The following GRM7 variants were observed in gnomAD, a reference collection of about 807,000 sequenced individuals.
The protein encoded by GRM7 is glutamate metabotropic receptor 7.
GRM7 carries 35 observed loss-of-function variants against 84.5 expected under a neutral mutation model. The observed-to-expected ratio is 0.41, with a 90% CI of 0.32 to 0.55. The LOEUF (loss-of-function observed/expected upper bound fraction) is 0.55, where lower values mean the gene tolerates loss of function less well. Ranked by LOEUF, GRM7 falls within the 20% of genes least tolerant of loss-of-function variation. The pLI is 0.19. For synonymous variants in GRM7, 487 were observed against 455.1 expected (o/e 1.07, Z -0.89); for missense variants, 1,003 against 1,194.6 (o/e 0.84, Z 2.36).
At chr3:7,235,718 C>A (rs1697327585) in intron 2 of GRM7, among the ~76,000 whole-genome samples, 1 of 152,162 alleles carries the variant, frequency 6.6e-6, no homozygotes, top group Non-Finnish European at 1.5e-5. Context: ...GAGCTGCCTA[C>A]ATGGATAATA....
chr3:7,249,958 T>C (rs528600525), intron 2 of GRM7, among the ~76,000 whole-genome samples: 14 of 152,258 alleles, frequency 9.2e-5, no homozygotes, highest in African/African-American at 3.1e-4. Flanking sequence ...GGGAAGAGAA[T>C]ACACTTTCCT....
chr3:7,044,188 C>G (rs1467417101), intron 1 of GRM7, among the ~76,000 whole-genome samples: 1 of 152,162 alleles, frequency 6.6e-6, no homozygotes, highest in Non-Finnish European at 1.5e-5. Flanking sequence ...ATCTTCCAGA[C>G]TGGCATGGAT....
At chr3:7,091,956 T>C (rs1410728850) in intron 1 of GRM7, among the ~76,000 whole-genome samples, 2 of 151,712 alleles carry the variant, frequency 1.3e-5, no homozygotes, top group Non-Finnish European at 2.9e-5. Context: ...CTTAATTTTC[T>C]CATTTGAAAA....
chr3:7,433,217 G>T (rs1345515782), intron 5 of GRM7, among the ~76,000 whole-genome samples: 1 of 152,162 alleles, frequency 6.6e-6, no homozygotes, highest in East Asian at 1.9e-4. Flanking sequence ...CTTATCTTGA[G>T]AATCAAGAAG....
At chr3:7,604,398 T>C (rs1392069617) in intron 8 of GRM7, among the ~76,000 whole-genome samples, 3 of 152,172 alleles carry the variant, frequency 2.0e-5, no homozygotes, top group Admixed American at 1.3e-4. Context: ...TCATTTGCTA[T>C]TCAAAGGCCA....
intron 1 of GRM7, among the ~76,000 whole-genome samples, chr3:6,942,326 T>A (rs12486153): frequency 0.073 from 11,093 of 152,204 alleles, 562 homozygotes; most frequent in Non-Finnish European, 0.11. Flanking sequence ...AAACTGCATG[T>A]AATTAAAATG....
chr3:7,194,881 C>T (rs1165366626), intron 2 of GRM7, among the ~76,000 whole-genome samples: 7 of 152,074 alleles, frequency 4.6e-5, no homozygotes, highest in South Asian at 4.1e-4. Context: ...TACTGCTTTA[C>T]GAAATTGTCT....
At chr3:6,912,219 T>C (rs1696795056) in intron 1 of GRM7, among the ~76,000 whole-genome samples, 1 of 152,148 alleles carries the variant, frequency 6.6e-6, no homozygotes. Flanking sequence ...GTTTGGGAAA[T>C]GCTGCATTAG....
intron 2 of GRM7, among the ~76,000 whole-genome samples, chr3:7,187,307 A>G (rs1484730792): frequency 1.3e-5 from 2 of 152,070 alleles, no homozygotes; most frequent in Non-Finnish European, 2.9e-5. Flanking sequence ...AATATTCCCT[A>G]TTGCTTCCCA....
chr3:7,568,779 A>G (rs1694467665), intron 7 of GRM7, among the ~76,000 whole-genome samples: 1 of 152,084 alleles, frequency 6.6e-6, no homozygotes, highest in Non-Finnish European at 1.5e-5. Flanking sequence ...CCCCAACAGT[A>G]CCGGCCCACT....
chr3:7,109,174 G>T (rs1692758628), intron 1 of GRM7, among the ~76,000 whole-genome samples: 1 of 151,910 alleles, frequency 6.6e-6, no homozygotes, highest in African/African-American at 2.4e-5. Context: ...GTACAGTTTA[G>T]TTCATTTTTT....
At chr3:7,388,731 T>G (rs1439023296) in intron 4 of GRM7, among the ~76,000 whole-genome samples, 1 of 152,140 alleles carries the variant, frequency 6.6e-6, no homozygotes, top group East Asian at 1.9e-4. Flanking sequence ...ATAGAGATGT[T>G]CATAGTAGTC....
intron 1 of GRM7, among the ~76,000 whole-genome samples, chr3:6,976,714 A>T (rs1391065025): frequency 6.6e-6 from 1 of 152,062 alleles, no homozygotes; most frequent in Non-Finnish European, 1.5e-5. Flanking sequence ...TGATTATTTG[A>T]CCAGAATTTT....
intron 1 of GRM7, among the ~76,000 whole-genome samples, chr3:6,963,485 G>A (rs1345527138): frequency 6.6e-6 from 1 of 152,146 alleles, no homozygotes; most frequent in African/African-American, 2.4e-5. Flanking sequence ...AATAACCTGG[G>A]CATGGCGGTG....
At chr3:7,087,407 AC>A (rs1698498129) in intron 1 of GRM7, among the ~76,000 whole-genome samples, 17 of 133,570 alleles carry the variant, frequency 1.3e-4, no homozygotes, top group African/African-American at 4.6e-4. Context: ...TTTTTTTTTT[AC>A]CCCAACCGAA....
intron 8 of GRM7, among the ~76,000 whole-genome samples, chr3:7,659,910 T>C (rs754813711): frequency 7.9e-5 from 12 of 152,176 alleles, no homozygotes; most frequent in Non-Finnish European, 1.8e-4. Flanking sequence ...AGGCAAACAT[T>C]TCCTAGTGGC....
chr3:7,258,036 G>A (rs1291268822), intron 2 of GRM7, among the ~76,000 whole-genome samples: 1 of 152,126 alleles, frequency 6.6e-6, no homozygotes, highest in African/African-American at 2.4e-5. Flanking sequence ...TAAAAGTGAG[G>A]TAGTATTTGC....
At chr3:6,945,531 A>T (rs1698040298) in intron 1 of GRM7, among the ~76,000 whole-genome samples, 1 of 152,060 alleles carries the variant, frequency 6.6e-6, no homozygotes, top group African/African-American at 2.4e-5. Context: ...ATACATGTGC[A>T]TGTGTCTTTA....
At chr3:7,543,023 T>C (rs1692964969) in intron 7 of GRM7, among the ~76,000 whole-genome samples, 1 of 152,178 alleles carries the variant, frequency 6.6e-6, no homozygotes, top group East Asian at 1.9e-4. Context: ...ACAGTGCTTG[T>C]CACATAGTGC....
Sources: gnomAD v4.1 joint callset for allele counts (sites outside exome capture counted in the v4.1 genomes callset) on GRCh38, gnomAD v4.1.1 for gene constraint, MANE v1.5 for transcripts, NCBI Gene and HGNC (gene_info 2026-07-23, HGNC 2026-07-21) for gene names.